GPR19: variants seen among roughly 807,000 people sequenced by gnomAD.
GPR19 encodes probable G protein-coupled receptor 19.
A neutral mutation model predicts 28.5 loss-of-function variants in GPR19; 14 were observed. That is an observed-to-expected ratio of 0.49 (90% CI 0.32 to 0.77). The LOEUF is 0.77. Ranked by LOEUF, GPR19 falls within the 30% of genes least tolerant of loss-of-function variation. The pLI, the probability that GPR19 is intolerant of heterozygous loss-of-function variation, is 0.03. For synonymous variants in GPR19, 173 were observed against 184.1 expected (o/e 0.94, Z 0.49); for missense variants, 409 against 504.1 (o/e 0.81, Z 1.81).
upstream of GPR19, among the ~76,000 whole-genome samples, chr12:12,697,440 A>C (rs1411460889): frequency 6.6e-6 from 1 of 152,228 alleles, no homozygotes; most frequent in Non-Finnish European, 1.5e-5. Flanking sequence ...CTAATGATAC[A>C]TTTTAATGTG....
At chr12:12,694,012 T>C (rs1946223031) in intron 2 of GPR19, among the ~76,000 whole-genome samples, 1 of 151,714 alleles carries the variant, frequency 6.6e-6, no homozygotes, top group African/African-American at 2.4e-5. Flanking sequence ...TAGAGGGAAC[T>C]CTTAAAGCAG....
chr12:12,697,595 A>T (rs918030986), upstream of GPR19, among the ~76,000 whole-genome samples: 1 of 152,232 alleles, frequency 6.6e-6, no homozygotes, highest in East Asian at 1.9e-4. Flanking sequence ...TGAAGACTTC[A>T]ACTTGTAACA....
intron 2 of GPR19, among the ~76,000 whole-genome samples, chr12:12,689,356 C>T (rs1946148490): frequency 6.6e-6 from 1 of 152,176 alleles, no homozygotes; most frequent in Non-Finnish European, 1.5e-5. Flanking sequence ...TACCTCAGTG[C>T]ATACTCTAGG....
chr12:12,688,649 A>G (rs898956583), intron 2 of GPR19: 1 of 152,244 alleles, frequency 6.6e-6, no homozygotes, highest in African/African-American at 2.4e-5. Context: ...GCATGGTCAG[A>G]CACAGATATG....
upstream of GPR19, among the ~76,000 whole-genome samples, chr12:12,697,862 C>T (rs1592273078): frequency 4.6e-5 from 7 of 152,128 alleles, no homozygotes. Flanking sequence ...TTTAAAATTC[C>T]GCTCCATTAT....
At chr12:12,693,791 C>T (rs1284907735) in intron 2 of GPR19, among the ~76,000 whole-genome samples, 1 of 152,152 alleles carries the variant, frequency 6.6e-6, no homozygotes, top group African/African-American at 2.4e-5. Context: ...CAACCTCTGC[C>T]TCCTGGGTTT....
chr12:12,664,780 C>T (rs1945736960), intron 3 of GPR19, among the ~76,000 whole-genome samples: 1 of 151,846 alleles, frequency 6.6e-6, no homozygotes, highest in East Asian at 1.9e-4. Flanking sequence ...ATTAGCCGGG[C>T]GTGGTGGCAG....
chr12:12,672,817 C>T (rs557082393), intron 3 of GPR19, among the ~76,000 whole-genome samples: 2 of 152,130 alleles, frequency 1.3e-5, no homozygotes, highest in South Asian at 4.1e-4. Flanking sequence ...AAATAGTCTT[C>T]AATCATAACA....
chr12:12,662,903 A>G (rs1945701589), intron 3 of GPR19, among the ~76,000 whole-genome samples: 2 of 152,252 alleles, frequency 1.3e-5, no homozygotes, highest in African/African-American at 4.8e-5. Flanking sequence ...CAAAAGAGGA[A>G]AGCTTGGGCA....
At chr12:12,688,166 GA>G (rs1298301554) in intron 2 of GPR19, among the ~76,000 whole-genome samples, 1 of 152,142 alleles carries the variant, frequency 6.6e-6, no homozygotes, top group Non-Finnish European at 1.5e-5. Flanking sequence ...CTTTTTCAGT[GA>G]AGAGAGTGGG....
At chr12:12,677,871 C>A (rs762885144) in intron 3 of GPR19, among the ~76,000 whole-genome samples, 2 of 151,520 alleles carry the variant, frequency 1.3e-5, no homozygotes, top group Non-Finnish European at 2.9e-5. Context: ...GTCAGGAATT[C>A]GAAACCAGCC....
intron 3 of GPR19, chr12:12,669,169 G>A (rs1324576875): frequency 6.6e-6 from 1 of 152,184 alleles, no homozygotes; most frequent in Non-Finnish European, 1.5e-5. Context: ...GTGACATAGT[G>A]AACAGTTTTA....
In GPR19 at chr12:12,661,805, G is replaced by A. The variant is rs992266620; in HGVS notation, c.644C>T (p.Pro215Leu). The change falls in exon 4 of 4, where the codon CCC becomes CTC. Residue 215 changes from proline (P) to leucine (L), a missense_variant. Coordinates refer to ENST00000651487, the MANE Select transcript of GPR19 (RefSeq NM_006143.3). This position sits in a 1 kb window ranked among gnomAD's most constrained non-coding sequence, Gnocchi z 4.2. ...NWDSHCNYFL[P>L]SSWEGTAYTV... ...GTAGGCAGTGCCTTCCCAAGAGGAG[G>A]GGAGGAAATAGTTACAATGACTGTC... 3 of 1,614,078 alleles carry A rather than the reference G, an allele frequency of 1.9e-6. No homozygotes were observed. The highest frequency in any genetic ancestry group is 1.7e-5 in the Admixed American group (1 of 60,010).
the GPR19 span, chr12:12,716,806 C>T: frequency 1.0e-6 from 1 of 985,338 alleles, no homozygotes; most frequent in Non-Finnish European, 1.2e-6. Context: ...TTGCCCACTG[C>T]CTCCACCAGC....
At chr12:12,684,672 C>T (rs972125832) in intron 2 of GPR19, among the ~76,000 whole-genome samples, 165 bp from the exon 3 acceptor site, 4 of 152,154 alleles carry the variant, frequency 2.6e-5, no homozygotes, top group Non-Finnish European at 4.4e-5. Context: ...GCCATCTTCT[C>T]CCTCCCTTCC....
At chr12:12,670,488 C>A (rs925624721) in intron 3 of GPR19, among the ~76,000 whole-genome samples, 1 of 152,092 alleles carries the variant, frequency 6.6e-6, no homozygotes, top group Non-Finnish European at 1.5e-5. Context: ...CTCCAGTTTT[C>A]TTCTGTAAAA....
chr12:12,676,116 A>C (rs1697633949), intron 3 of GPR19, among the ~76,000 whole-genome samples: 2 of 152,318 alleles, frequency 1.3e-5, no homozygotes, highest in Non-Finnish European at 1.5e-5. Flanking sequence ...AAAACCAAAA[A>C]TCTTAAAGAG....
intron 3 of GPR19, among the ~76,000 whole-genome samples, chr12:12,680,705 T>G (rs1946006057): frequency 6.6e-6 from 1 of 151,436 alleles, no homozygotes; most frequent in Non-Finnish European, 1.5e-5. Flanking sequence ...TTTTTTTTTT[T>G]TGAGACAGAG....
intron 3 of GPR19, among the ~76,000 whole-genome samples, chr12:12,677,992 T>C (rs1945957374): frequency 6.7e-6 from 1 of 148,588 alleles, no homozygotes; most frequent in African/African-American, 2.5e-5. Context: ...GAGAATTACT[T>C]GAACCTGGGA....
Sources: gnomAD v4.1 joint callset for allele counts (sites outside exome capture counted in the v4.1 genomes callset) on GRCh38, gnomAD v4.1.1 for gene constraint, Gnocchi (gnomAD v3.1) non-coding constraint, MANE v1.5 for transcripts, NCBI Gene and HGNC (gene_info 2026-07-23, HGNC 2026-07-21) for gene names.